Variants in PCYOX1L observed in about 807,000 individuals in gnomAD.
PCYOX1L encodes the protein prenylcysteine oxidase 1-like.
A neutral mutation model predicts 44.1 loss-of-function variants in PCYOX1L; 40 were observed. That is an observed-to-expected ratio of 0.91 (90% CI 0.70 to 1.18). PCYOX1L has a LOEUF of 1.18. Ranked by LOEUF, PCYOX1L falls within the 50% of genes most tolerant of loss-of-function variation. The pLI, the probability that PCYOX1L is intolerant of heterozygous loss-of-function variation, is 0.00. For missense variants in PCYOX1L, 605 were observed against 653.3 expected (o/e 0.93, Z 0.81); for synonymous variants, 266 against 282.8 (o/e 0.94, Z 0.60).
At chr5:149,363,840 C>T (rs1370105813) in intron 2 of PCYOX1L, 196 bp from the exon 3 acceptor site, 1 of 595,630 alleles carries the variant, frequency 1.7e-6, no homozygotes, top group Non-Finnish European at 2.8e-6. Flanking sequence ...TAAAATGTTA[C>T]ATTATTTTCA....
At chr5:149,359,829 G>A (rs1757958176) in intron 1 of PCYOX1L, among the ~76,000 whole-genome samples, 1 of 152,206 alleles carries the variant, frequency 6.6e-6, no homozygotes. Context: ...CATCCTTGGT[G>A]GTTTGGACTC....
In PCYOX1L at chr5:149,364,182, G is replaced by T; in HGVS notation, c.442G>T (p.Val148Leu). 6.2e-7 allele frequency: 1 copy of T among 1,614,170 alleles called. No individual in the cohort carries two copies. Among genetic ancestry groups the T allele is most frequent in the Non-Finnish European group, 8.5e-7 (1 of 1,180,042 alleles). Reference protein sequence around the residue: ...GISFLRLQMWVEEVMEKFMRI... With the variant: ...GISFLRLQMWLEEVMEKFMRI... Reference sequence around the variant, plus strand: ...CAGCTTCCTGAGGCTGCAGATGTGGGTGGAGGAGGTCATGGAGAAGTTCAT... The same window carrying T: ...CAGCTTCCTGAGGCTGCAGATGTGGTTGGAGGAGGTCATGGAGAAGTTCAT... The change falls in exon 3 of 6, where the codon GTG becomes TTG. Residue 148 changes from valine to leucine, a missense_variant. Coordinates refer to ENST00000274569, the MANE Select transcript of PCYOX1L (RefSeq NM_024028.4).
chr5:149,367,250 G>A, intron 4 of PCYOX1L, 110 bp from the exon 5 acceptor site: 1 of 1,346,380 alleles, frequency 7.4e-7, no homozygotes, highest in Admixed American at 2.5e-5. Context: ...GCCCATGGTT[G>A]GGAGAGTTTT....
At chr5:149,361,651 G>A (rs938098134) in intron 1 of PCYOX1L, among the ~76,000 whole-genome samples, 1 of 151,986 alleles carries the variant, frequency 6.6e-6, no homozygotes, top group African/African-American at 2.4e-5. Flanking sequence ...TTTTTGAGAT[G>A]GAGTTTTGCT....
chr5:149,358,242 G>A (rs945225499), intron 1 of PCYOX1L, 86 bp downstream of exon 1: 2 of 1,286,278 alleles, frequency 1.6e-6, no homozygotes, highest in Non-Finnish European at 2.0e-6. Context: ...GGGTATAGGA[G>A]GGCGGCTGGG....
At chr5:149,358,305 G>C in intron 1 of PCYOX1L, 149 bp downstream of exon 1, 1 of 1,209,750 alleles carries the variant, frequency 8.3e-7, no homozygotes, top group Non-Finnish European at 1.0e-6. Flanking sequence ...CGCCGAAGGG[G>C]ACGCGGCAGG....
At chr5:149,358,384 A>C (rs1388348462) in intron 1 of PCYOX1L, among the ~76,000 whole-genome samples, 1 of 152,254 alleles carries the variant, frequency 6.6e-6, no homozygotes, top group South Asian at 2.1e-4. Flanking sequence ...AGGCCTGGGC[A>C]GGACTGGCCG....
At chr5:149,366,760 T>C (rs1003603237) in intron 4 of PCYOX1L, among the ~76,000 whole-genome samples, 3 of 152,228 alleles carry the variant, frequency 2.0e-5, no homozygotes, top group African/African-American at 7.2e-5. Context: ...ATACTGTTCA[T>C]CTGGCTCTGC....
chr5:149,358,152 A>T lies in PCYOX1L; in HGVS notation c.84A>T (p.Lys28Asn), dbSNP rs1198809395. ...CTGGCGGAGATGCCCCGCCGGGCAAAATCGGTGCGGGAAGGACGCGGTGGG... is the reference window on the plus strand; with the variant it reads ...CTGGCGGAGATGCCCCGCCGGGCAATATCGGTGCGGGAAGGACGCGGTGGG... ...AAAGGDAPPG[K>N]IAVVGAGIGG... The change falls in exon 1 of 6, where the codon AAA becomes AAT. Residue 28 changes from lysine (K) to asparagine (N), a missense_variant. Coordinates refer to ENST00000274569, the MANE Select transcript of PCYOX1L (RefSeq NM_024028.4). 6.9e-7 allele frequency: 1 copy of T among 1,455,420 alleles called. No individual in the cohort carries two copies. The highest frequency in any genetic ancestry group is 3.0e-5 in the East Asian group (1 of 33,082). 90.2% of individuals were successfully genotyped at this position (1,455,420 alleles called of 1,614,324 possible). A position where few individuals can be genotyped will look rare whatever the true frequency, so the allele number is the denominator to read the frequency against.
At chr5:149,364,435 C>T in intron 3 of PCYOX1L, 1 of 498,782 alleles carries the variant, frequency 2.0e-6, no homozygotes, top group Admixed American at 3.3e-5. Context: ...TTCTTACCCT[C>T]TACTACACTG....
chr5:149,364,022 C>T lies in PCYOX1L; in HGVS notation c.296-14C>T. On this transcript the variant is annotated splice_polypyrimidine_tract_variant and intron_variant, in intron 2 of 5. Coordinates refer to ENST00000274569, the MANE Select transcript of PCYOX1L (RefSeq NM_024028.4). ...CTTGGAGGGGACCTGAGGGGCTCCT[C>T]TTTGTCTCTGCAGGGCTGAGGCACC... 1 of 1,613,298 alleles carries T rather than the reference C, an allele frequency of 6.2e-7. No homozygotes were observed. Among genetic ancestry groups the T allele is most frequent in the Non-Finnish European group, 8.5e-7 (1 of 1,179,686 alleles).
rs767741122 is a variant in PCYOX1L at position 149,368,681 on chromosome 5, T to G, written c.*27T>G. On this transcript the variant is annotated 3_prime_UTR_variant, in exon 6 of 6. Transcript: ENST00000274569. ...GGCTCTAGGGAGAGCCTGGGAACTTTCATCCCCCACTGAAGATGGATCATC... is the reference window on the plus strand; with the variant it reads ...GGCTCTAGGGAGAGCCTGGGAACTTGCATCCCCCACTGAAGATGGATCATC... 111 of 1,497,510 alleles carry G rather than the reference T, an allele frequency of 7.4e-5. No homozygotes were observed. Among genetic ancestry groups the G allele is most frequent in the Non-Finnish European group, 8.5e-5 (96 of 1,130,458 alleles). The allele number at this position is 1,497,510 out of a possible 1,614,324, so 92.8% of individuals were successfully genotyped here. A position where few individuals can be genotyped will look rare whatever the true frequency, so the allele number is the denominator to read the frequency against.
chr5:149,361,079 A>G (rs577124808), intron 1 of PCYOX1L, among the ~76,000 whole-genome samples: 13 of 152,318 alleles, frequency 8.5e-5, no homozygotes, highest in South Asian at 6.2e-4. Context: ...CAGTAGCTTC[A>G]TAGCTGGTTT....
In PCYOX1L at chr5:149,358,142, C is replaced by T. The variant is rs1449736081; in HGVS notation, c.74C>T (p.Pro25Leu). 2.7e-6 allele frequency: 4 copies of T among 1,458,868 alleles called. No individual in the cohort carries two copies. Among genetic ancestry groups the T allele is most frequent in the Non-Finnish European group, 3.6e-6 (4 of 1,108,622 alleles). 90.4% of individuals were successfully genotyped at this position (1,458,868 alleles called of 1,614,324 possible). A position where few individuals can be genotyped will look rare whatever the true frequency, so the allele number is the denominator to read the frequency against. ...LAAAAAGGDAPPGKIAVVGAG... is the reference protein window; with the variant it reads ...LAAAAAGGDALPGKIAVVGAG... ...GCCGCCGCTGCTGGCGGAGATGCCC[C>T]GCCGGGCAAAATCGGTGCGGGAAGG... The change falls in exon 1 of 6, where the codon CCG becomes CTG. Residue 25 changes from proline (P) to leucine (L), a missense_variant. By Grantham distance (98) the Pro-to-Leu change is moderately conservative. Coordinates refer to ENST00000274569, the MANE Select transcript of PCYOX1L (RefSeq NM_024028.4).
chr5:149,360,720 A>G (rs1757984655), intron 1 of PCYOX1L, among the ~76,000 whole-genome samples: 1 of 152,336 alleles, frequency 6.6e-6, no homozygotes, highest in South Asian at 2.1e-4. Flanking sequence ...TGGCACTCCT[A>G]TCAAAGGGAA....
chr5:149,361,700 C>T (rs889468759), intron 1 of PCYOX1L, among the ~76,000 whole-genome samples: 1 of 152,190 alleles, frequency 6.6e-6, no homozygotes, highest in African/African-American at 2.4e-5. Context: ...ACGATCTCAG[C>T]TCACCACAAC....
At chr5:149,362,316 G>A (rs1264251803) in intron 1 of PCYOX1L, 1 of 344,662 alleles carries the variant, frequency 2.9e-6, no homozygotes, top group Non-Finnish European at 5.5e-6. Context: ...TAGAAGCAAG[G>A]TAGTGAGTTT....
chr5:149,359,670 A>G (rs1757954564), intron 1 of PCYOX1L, among the ~76,000 whole-genome samples: 1 of 152,236 alleles, frequency 6.6e-6, no homozygotes, highest in Non-Finnish European at 1.5e-5. Context: ...GAATTGCTGC[A>G]TTGTGGCAAC....
At chr5:149,358,583 C>T (rs1464546976) in intron 1 of PCYOX1L, among the ~76,000 whole-genome samples, 1 of 152,120 alleles carries the variant, frequency 6.6e-6, no homozygotes, top group South Asian at 2.1e-4. Context: ...ACAGGGAAGT[C>T]CGTGCTGAGC....
Sources: gnomAD v4.1 joint callset for allele counts (sites outside exome capture counted in the v4.1 genomes callset) on GRCh38, gnomAD v4.1.1 for gene constraint, MANE v1.5 for transcripts, NCBI Gene and HGNC (gene_info 2026-07-23, HGNC 2026-07-21) for gene names.